CTNNA3: variants seen among roughly 807,000 people sequenced by gnomAD.
The protein encoded by CTNNA3 is catenin alpha 3.
In CTNNA3, 76 loss-of-function variants were observed where a neutral mutation model predicts 95.7. That is an observed-to-expected ratio of 0.79 (90% CI 0.66 to 0.96). The LOEUF (loss-of-function observed/expected upper bound fraction) is 0.96, where lower values mean the gene tolerates loss of function less well. CTNNA3 is among the 40% of genes least tolerant of loss of function. The pLI, the probability that CTNNA3 is intolerant of heterozygous loss-of-function variation, is 0.00. For missense variants in CTNNA3, 1,191 were observed against 1,089.8 expected, an observed-to-expected ratio of 1.09 and a Z score of -1.31; for synonymous variants, 431 against 374.4, an observed-to-expected ratio of 1.15 and a Z score of -1.74.
chr10:67,034,617 C>A (rs1459394162), intron 7 of CTNNA3, among the ~76,000 whole-genome samples: 1 of 152,160 alleles, frequency 6.6e-6, no homozygotes. Context: ...TAATAACCTA[C>A]AAATAAATTA....
chr10:66,660,629 T>C (rs1846229643), intron 9 of CTNNA3, among the ~76,000 whole-genome samples: 2 of 152,174 alleles, frequency 1.3e-5, no homozygotes, highest in South Asian at 4.1e-4. Context: ...GAAGGTATGC[T>C]TTTTGCCCAG....
chr10:67,576,921 T>G (rs1057015525), intron 3 of CTNNA3, among the ~76,000 whole-genome samples: 2 of 122,652 alleles, frequency 1.6e-5, no homozygotes, highest in Admixed American at 7.5e-5. Flanking sequence ...CCATGGTGTA[T>G]ATGTGCCACA....
chr10:66,525,729 T>A, intron 10 of CTNNA3, among the ~76,000 whole-genome samples: 1 of 152,280 alleles, frequency 6.6e-6, no homozygotes, highest in South Asian at 2.1e-4. Context: ...TACATTCACA[T>A]AGCTGTGCAA....
intron 7 of CTNNA3, among the ~76,000 whole-genome samples, chr10:66,874,936 T>C (rs1844559246): frequency 6.6e-6 from 1 of 152,166 alleles, no homozygotes; most frequent in Non-Finnish European, 1.5e-5. Flanking sequence ...GCTTACAGTC[T>C]AGTAGGAAGA....
chr10:67,337,388 TGGA>T (rs1421081435), intron 5 of CTNNA3, among the ~76,000 whole-genome samples: 1 of 152,184 alleles, frequency 6.6e-6, no homozygotes, highest in Non-Finnish European at 1.5e-5. Context: ...AAAACTTGAA[TGGA>T]GGAGTAGTTG....
At chr10:66,573,145 G>A (rs1319072429) in intron 10 of CTNNA3, among the ~76,000 whole-genome samples, 1 of 152,110 alleles carries the variant, frequency 6.6e-6, no homozygotes, top group Non-Finnish European at 1.5e-5. Context: ...AGGTTCACAT[G>A]AAATATAAAC....
chr10:66,342,038 T>C lies in CTNNA3; in HGVS notation c.1732+37114A>G, dbSNP rs190561663. On this transcript the variant is annotated intron_variant, in intron 12 of 17. Coordinates refer to ENST00000433211, the MANE Select transcript of CTNNA3 (RefSeq NM_013266.4). ...AGATAATGAGTTTGAGATACAAGGATGGTTTATAACTTACACAAGATCACA... is the reference window on the plus strand; with the variant it reads ...AGATAATGAGTTTGAGATACAAGGACGGTTTATAACTTACACAAGATCACA... Among the ~76,000 whole-genome samples the C allele has an allele frequency of 2.0e-3, 302 of 152,036 alleles. 3 individuals carry two copies. The highest frequency in any genetic ancestry group is 7.0e-3 in the African/African-American group (292 of 41,536).
chr10:67,693,694 C>T (rs893193878), intron 1 of CTNNA3, among the ~76,000 whole-genome samples: 5 of 152,064 alleles, frequency 3.3e-5, no homozygotes, highest in African/African-American at 9.7e-5. Context: ...CACTTCACAC[C>T]ACATAATATT....
intron 7 of CTNNA3, among the ~76,000 whole-genome samples, chr10:66,802,999 G>C (rs1056676144): frequency 6.6e-6 from 1 of 151,700 alleles, no homozygotes; most frequent in Non-Finnish European, 1.5e-5. Flanking sequence ...TGAACTTAAT[G>C]GTATATCGGA....
intron 4 of CTNNA3, among the ~76,000 whole-genome samples, chr10:67,535,150 GA>G (rs1840451484): frequency 6.6e-6 from 1 of 152,024 alleles, no homozygotes; most frequent in African/African-American, 2.4e-5. Flanking sequence ...TTGATTTCAA[GA>G]AAGTCTTTCA....
chr10:67,321,119 G>T (rs2132552300), intron 5 of CTNNA3, among the ~76,000 whole-genome samples: 1 of 152,204 alleles, frequency 6.6e-6, no homozygotes, highest in East Asian at 1.9e-4. Flanking sequence ...CTTAACATAT[G>T]ATCTTATCAT....
intron 7 of CTNNA3, among the ~76,000 whole-genome samples, chr10:66,830,521 C>A (rs1328338693): frequency 6.6e-6 from 1 of 152,140 alleles, no homozygotes; most frequent in Non-Finnish European, 1.5e-5. Context: ...TGCTTCTACT[C>A]GTGCTCCTTC....
At chr10:66,418,909 A>T (rs1017721902) in intron 11 of CTNNA3, among the ~76,000 whole-genome samples, 2 of 152,106 alleles carry the variant, frequency 1.3e-5, no homozygotes, top group African/African-American at 2.4e-5. Flanking sequence ...CAAATCCACA[A>T]ATAGCATTAT....
At chr10:66,971,068 GA>G (rs950892382) in intron 7 of CTNNA3, among the ~76,000 whole-genome samples, 2 of 151,508 alleles carry the variant, frequency 1.3e-5, no homozygotes, top group African/African-American at 4.9e-5. Flanking sequence ...CATCTTAAAG[GA>G]AAAAAAATGA....
intron 1 of CTNNA3, among the ~76,000 whole-genome samples, chr10:67,748,299 C>A (rs1841384128): frequency 1.3e-5 from 2 of 151,998 alleles, no homozygotes; most frequent in South Asian, 4.1e-4. Context: ...AGAAACATAA[C>A]CATCAGATTC....
intron 1 of CTNNA3, among the ~76,000 whole-genome samples, chr10:67,705,359 CAA>C (rs1380995190): frequency 6.6e-6 from 1 of 151,618 alleles, no homozygotes; most frequent in Non-Finnish European, 1.5e-5. Context: ...TTCACAAGAG[CAA>C]AGACTTGGAA....
intron 11 of CTNNA3, among the ~76,000 whole-genome samples, chr10:66,412,681 G>A (rs2093116523): frequency 2.6e-5 from 4 of 151,886 alleles, no homozygotes; most frequent in South Asian, 2.1e-4. Flanking sequence ...GGATGGTCTC[G>A]ATCTCCCGAC....
intron 12 of CTNNA3, among the ~76,000 whole-genome samples, chr10:66,297,531 T>C (rs1215730009): frequency 6.6e-6 from 1 of 152,168 alleles, no homozygotes. Context: ...GAGAGAAACA[T>C]TGCATTTTTC....
chr10:67,513,480 T>A (rs996057354), intron 5 of CTNNA3, among the ~76,000 whole-genome samples: 17 of 152,350 alleles, frequency 1.1e-4, no homozygotes, highest in African/African-American at 3.8e-4. Context: ...TGCACCCACA[T>A]CTTTTATTAA....
Sources: allele counts gnomAD v4.1 joint callset (sites outside exome capture counted in the v4.1 genomes callset), GRCh38; gene constraint gnomAD v4.1.1; transcripts MANE v1.5; gene names NCBI Gene and HGNC (gene_info 2026-07-23, HGNC 2026-07-21).